The following LARP7 variants were observed in gnomAD, a reference collection of about 807,000 sequenced individuals.
LARP7 encodes the protein La ribonucleoprotein 7, transcriptional regulator.
Under a neutral mutation model 69.3 loss-of-function variants are expected in LARP7, and 52 were observed. The observed-to-expected ratio is 0.75, with a 90% CI of 0.60 to 0.95. LARP7 has a LOEUF of 0.95. Among genes scored for constraint, LARP7 ranks in the 40% least tolerant of loss-of-function variants. The pLI is 0.00. For synonymous variants in LARP7, 254 were observed against 215.9 expected (o/e 1.18, Z -1.55); for missense variants, 733 against 673.0 (o/e 1.09, Z -0.99).
At chr4:112,643,969 G>A (rs566143099) in intron 1 of LARP7, among the ~76,000 whole-genome samples, 2 of 152,176 alleles carry the variant, frequency 1.3e-5, no homozygotes, top group South Asian at 2.1e-4. Context: ...ATTGCCAGGC[G>A]CGGCGGCTCA....
chr4:112,654,947 A>G (rs2048895964), intron 12 of LARP7, among the ~76,000 whole-genome samples: 1 of 151,950 alleles, frequency 6.6e-6, no homozygotes, highest in African/African-American at 2.4e-5. Flanking sequence ...TAGGTGAGCA[A>G]GTTAAAAGTC....
chr4:112,653,019 T>C, intron 10 of LARP7, 58 bp from the exon 11 acceptor site: 1 of 1,375,464 alleles, frequency 7.3e-7, no homozygotes, highest in Non-Finnish European at 9.9e-7. Context: ...GGAATAGTTT[T>C]AGAATTATTG....
intron 12 of LARP7, 73 bp from the exon 13 acceptor site, chr4:112,657,170 TTGTG>T (rs35719274): frequency 1.8e-3 from 925 of 510,606 alleles, no homozygotes; most frequent in South Asian, 2.7e-3. Flanking sequence ...AGTCATAGTT[TTGTG>T]TGTGTGTGTG....
At chr4:112,643,345 C>G (rs1337395678) in intron 1 of LARP7, among the ~76,000 whole-genome samples, 1 of 152,166 alleles carries the variant, frequency 6.6e-6, no homozygotes, top group Non-Finnish European at 1.5e-5. Flanking sequence ...GGAGAGCAAG[C>G]TGTGTTATCT....
chr4:112,649,728 A>T, intron 9 of LARP7, 42 bp downstream of exon 9: 2 of 1,297,620 alleles, frequency 1.5e-6, no homozygotes, highest in Non-Finnish European at 2.1e-6. Flanking sequence ...TAATGTACTT[A>T]TATATGTAAA....
intron 7 of LARP7, 51 bp from the exon 8 acceptor site, chr4:112,647,639 C>T: frequency 5.6e-6 from 8 of 1,419,864 alleles, no homozygotes; most frequent in Non-Finnish European, 7.5e-6. Flanking sequence ...TTCTGTTTCA[C>T]CCATTTCACA....
intron 11 of LARP7, 85 bp from the exon 12 acceptor site, chr4:112,653,983 C>T (rs2048860262): frequency 4.4e-6 from 4 of 902,256 alleles, no homozygotes; most frequent in Non-Finnish European, 7.3e-6. Context: ...GTCCTAGTTA[C>T]TATTATTGAG....
At chr4:112,650,723 C>G in intron 10 of LARP7, 141 bp downstream of exon 10, 1 of 847,906 alleles carries the variant, frequency 1.2e-6, no homozygotes, top group Non-Finnish European at 1.7e-6. Context: ...AGTTTTAATT[C>G]CATGGTAACT....
chr4:112,649,354 C>T (rs1001866698), intron 8 of LARP7, among the ~76,000 whole-genome samples, 181 bp from the exon 9 acceptor site: 2 of 152,132 alleles, frequency 1.3e-5, no homozygotes, highest in Non-Finnish European at 2.9e-5. Context: ...GGAAGAGGAA[C>T]TCCCTTAGCT....
intron 2 of LARP7, among the ~76,000 whole-genome samples, chr4:112,646,136 C>G (rs1241871011): frequency 6.6e-6 from 1 of 152,012 alleles, no homozygotes; most frequent in Non-Finnish European, 1.5e-5. Flanking sequence ...CACCACTACA[C>G]CCAGCTAATT....
intron 2 of LARP7, among the ~76,000 whole-genome samples, chr4:112,646,071 C>A (rs934536028): frequency 1.3e-5 from 2 of 152,018 alleles, no homozygotes; most frequent in African/African-American, 2.4e-5. Flanking sequence ...CCTCTGCCTC[C>A]TGGGTTCAAG....
At chr4:112,641,336 C>T (rs2047953110) in intron 1 of LARP7, among the ~76,000 whole-genome samples, 2 of 151,030 alleles carry the variant, frequency 1.3e-5, no homozygotes, top group African/African-American at 4.9e-5. Context: ...TGCAGTGAGC[C>T]GAGATCGCGC....
intron 8 of LARP7, chr4:112,648,226 C>A (rs768129180): frequency 5.6e-6 from 3 of 532,664 alleles, no homozygotes; most frequent in Middle Eastern, 3.2e-4. Context: ...AGTTTCAAAG[C>A]AAGTACATCC....
chr4:112,638,879 C>A (rs1478946791), intron 1 of LARP7, among the ~76,000 whole-genome samples: 2 of 152,198 alleles, frequency 1.3e-5, no homozygotes, highest in South Asian at 4.1e-4. Flanking sequence ...TAAAATGTAT[C>A]ATTTACAATT....
In LARP7 at chr4:112,657,276, G is replaced by A; in HGVS notation, c.1698G>A (p.Leu566=). Reference sequence around the variant, plus strand: ...TCACCAAAGCTGAAAAGATTAGACTGGCAAAGACTCAACAAGCGAGTAAAC... The same window carrying A: ...TCACCAAAGCTGAAAAGATTAGACTAGCAAAGACTCAACAAGCGAGTAAAC... The part of the protein sequence containing the change: ...KLITKAEKIR[L]AKTQQASKHI... The change falls in exon 13 of 13, where the codon CTG becomes CTA. Residue 566 remains leucine, a synonymous_variant. Transcript: ENST00000344442. The A allele has an allele frequency of 6.3e-7, 1 of 1,589,856 alleles. No homozygotes were observed.
intron 10 of LARP7, among the ~76,000 whole-genome samples, chr4:112,652,293 T>TAC (rs2048778294): frequency 1.0e-5 from 1 of 97,266 alleles, no homozygotes; most frequent in Non-Finnish European, 1.9e-5. Context: ...AAATAAGATT[T>TAC]CCCCCCCCCC....
At chr4:112,654,651 C>G (rs1161955911) in intron 12 of LARP7, 1 of 152,652 alleles carries the variant, frequency 6.6e-6, no homozygotes, top group Non-Finnish European at 1.5e-5. Flanking sequence ...AAGCAAGCCC[C>G]TCTTTCAGTA....
chr4:112,650,818 A>T (rs994390441), intron 10 of LARP7, among the ~76,000 whole-genome samples: 34 of 152,154 alleles, frequency 2.2e-4, no homozygotes, highest in African/African-American at 7.2e-4. Flanking sequence ...ATCCTTCTCT[A>T]TAGGAAAATT....
intron 1 of LARP7, chr4:112,644,209 T>A (rs1421817655): frequency 1.8e-5 from 3 of 167,690 alleles, no homozygotes; most frequent in South Asian, 4.9e-4. Flanking sequence ...GCCACTGCAC[T>A]CCAGCCTGCA....
Sources: gnomAD v4.1 joint callset for allele counts (sites outside exome capture counted in the v4.1 genomes callset) on GRCh38, gnomAD v4.1.1 for gene constraint, MANE v1.5 for transcripts, NCBI Gene and HGNC (gene_info 2026-07-23, HGNC 2026-07-21) for gene names.